Variants in AP5Z1 observed in about 807,000 individuals in gnomAD.
AP5Z1 encodes AP-5 complex subunit zeta-1.
In AP5Z1, 106 loss-of-function variants were observed where a neutral mutation model predicts 83.0. The ratio of observed to expected loss-of-function variants is 1.28; its 90% CI spans 1.09 to 1.50. AP5Z1 has a LOEUF of 1.50. Among genes scored for constraint, AP5Z1 ranks in the 40% most tolerant of loss-of-function variants. The probability of loss-of-function intolerance (pLI) is 0.00; values close to 1 mark genes in which losing one functional copy is unlikely to be tolerated. For missense variants in AP5Z1, 1,565 were observed against 1,094.2 expected (o/e 1.43, Z -6.07); for synonymous variants, 751 against 514.1 (o/e 1.46, Z -6.23).
chr7:4,784,159 C>CG (rs1562406700), intron 5 of AP5Z1, 44 bp from the exon 6 acceptor site: 1 of 1,533,304 alleles, frequency 6.5e-7, no homozygotes, highest in Non-Finnish European at 8.8e-7. Context: ...GCGTTTTTCC[C>CG]GGCCTCGGCC....
In AP5Z1 at chr7:4,790,655, C is replaced by G. The variant is rs778152865; in HGVS notation, c.1939-18C>G. 3 of 1,612,156 alleles carry G rather than the reference C, an allele frequency of 1.9e-6. No homozygotes were observed. Among genetic ancestry groups the G allele is most frequent in the Non-Finnish European group, 2.5e-6 (3 of 1,179,522 alleles). On this transcript the variant is annotated intron_variant, in intron 15 of 16. Transcript: ENST00000649063. The stretch of plus-strand genomic sequence containing the variant: ...CAGGAGGCCTGGGTGGGGGCTGAAT[C>G]TCTGTCCCCGGGCCTAGGTGTGGGC...
chr7:4,782,380 G>A (rs1781405681), intron 3 of AP5Z1, among the ~76,000 whole-genome samples: 1 of 152,140 alleles, frequency 6.6e-6, no homozygotes, highest in South Asian at 2.1e-4. Context: ...CTCAGCGTGG[G>A]GATCCAGGGG....
intron 12 of AP5Z1, 157 bp from the exon 13 acceptor site, chr7:4,788,683 G>A (rs775866694): frequency 2.8e-5 from 18 of 639,968 alleles, no homozygotes; most frequent in Middle Eastern, 2.5e-4. Context: ...GACGCCAGGG[G>A]TCTCCCCAAA....
chr7:4,781,489 G>A, intron 2 of AP5Z1, 79 bp from the exon 3 acceptor site: 3 of 1,554,628 alleles, frequency 1.9e-6, no homozygotes, highest in Non-Finnish European at 2.6e-6. Flanking sequence ...AGGGTGCCCG[G>A]CCAGGTGCTC....
Position 4,791,724 on chromosome 7 carries a change from G to A in AP5Z1, c.*339G>A. On this transcript the variant is annotated 3_prime_UTR_variant, in exon 17 of 17. Coordinates refer to ENST00000649063, the MANE Select transcript of AP5Z1 (RefSeq NM_014855.3). ...TTTTTGGACAGTTGATGGGCAAGAA[G>A]AGCTGCAGTAAAAGTAAATCTCCTT... 1 of 387,530 alleles carries A rather than the reference G, an allele frequency of 2.6e-6. No homozygotes were observed. The allele number at this position is 387,530 out of a possible 1,614,324, so 24.0% of individuals were successfully genotyped here.
At chr7:4,785,111 C>T in intron 7 of AP5Z1, 63 bp downstream of exon 7, 2 of 1,533,934 alleles carry the variant, frequency 1.3e-6, no homozygotes, top group Non-Finnish European at 1.8e-6. Context: ...TGCAAGGCCA[C>T]CTGAGGCCAG....
At chr7:4,777,974 T>C (rs2115096712) in intron 1 of AP5Z1, among the ~76,000 whole-genome samples, 1 of 152,384 alleles carries the variant, frequency 6.6e-6, no homozygotes, top group Non-Finnish European at 1.5e-5. Flanking sequence ...ATCCGAACAC[T>C]TCGGGAGGCC....
chr7:4,778,003 G>C (rs1781271785), intron 1 of AP5Z1, among the ~76,000 whole-genome samples: 1 of 152,246 alleles, frequency 6.6e-6, no homozygotes, highest in Non-Finnish European at 1.5e-5. Context: ...AGGATCGCTT[G>C]AGGCTAGGAC....
chr7:4,791,504 C>A lies in AP5Z1; in HGVS notation c.*119C>A, dbSNP rs576259662. 2.2e-5 allele frequency: 31 copies of A among 1,410,816 alleles called. No individual in the cohort carries two copies. The highest frequency in any genetic ancestry group is 2.7e-5 in the Non-Finnish European group (29 of 1,057,612). The allele number at this position is 1,410,816 out of a possible 1,614,324, so 87.4% of individuals were successfully genotyped here. Reference sequence around the variant, plus strand: ...GAGTCCTGGGAGAGGAGGCAAGGCCCACGGTGGGCTTGGCACCCTCACAGA... The same window carrying A: ...GAGTCCTGGGAGAGGAGGCAAGGCCAACGGTGGGCTTGGCACCCTCACAGA... On this transcript the variant is annotated 3_prime_UTR_variant, in exon 17 of 17. Transcript: ENST00000649063.
At chr7:4,776,154 G>C (rs1781219671) in intron 1 of AP5Z1, among the ~76,000 whole-genome samples, 1 of 151,646 alleles carries the variant, frequency 6.6e-6, no homozygotes, top group Non-Finnish European at 1.5e-5. Flanking sequence ...AAGGCTGTGT[G>C]CCAGGCTGGG....
intron 16 of AP5Z1, 50 bp from the exon 17 acceptor site, chr7:4,791,065 G>A (rs929428642): frequency 1.3e-6 from 2 of 1,516,198 alleles, no homozygotes; most frequent in South Asian, 1.3e-5. Flanking sequence ...ACAGACCCCT[G>A]TCCTGGGAGG....
rs1163096744 is a variant in AP5Z1, at chr7:4,790,678, G to A, written c.1944G>A (p.Trp648Ter). The A allele has an allele frequency of 1.2e-6, 2 of 1,612,052 alleles. No individual in the cohort carries two copies. The highest frequency in any genetic ancestry group is 2.2e-5 in the South Asian group (2 of 91,018). Residue 648 changes from tryptophan (W) to a stop codon, truncating the protein, a stop_gained, in exon 16 of 17, where the codon TGG (tryptophan) becomes TGA (stop). Transcript: ENST00000649063. LOFTEE classifies it high-confidence loss of function. Reference sequence around the variant, plus strand: ...ATCTCTGTCCCCGGGCCTAGGTGTGGGCCATCGGCGAGTACCTGTCGGTGA... The same window carrying A: ...ATCTCTGTCCCCGGGCCTAGGTGTGAGCCATCGGCGAGTACCTGTCGGTGA... Reference protein sequence around the residue: ...SRASLVTSVVWAIGEYLSVTY... With the variant: ...SRASLVTSVV
chr7:4,788,755 G>T (rs577299814), intron 12 of AP5Z1, 85 bp from the exon 13 acceptor site: 1 of 1,214,872 alleles, frequency 8.2e-7, no homozygotes, highest in Non-Finnish European at 1.1e-6. Flanking sequence ...TCAGCTGTGC[G>T]AGAGGGAGCA....
intron 5 of AP5Z1, 73 bp downstream of exon 5, chr7:4,783,871 C>T: frequency 6.9e-7 from 1 of 1,446,456 alleles, no homozygotes; most frequent in Non-Finnish European, 9.3e-7. Flanking sequence ...CTCCTGTGCC[C>T]ACAGCGGCGA....
At position 4,785,318 on chromosome 7, in the gene AP5Z1, C is replaced by T. The variant is rs1781507102; in HGVS notation, c.932-97C>T. The T allele has an allele frequency of 4.9e-5, 74 of 1,495,022 alleles. No individual in the cohort carries two copies. In the South Asian group the frequency reaches 5.8e-4, roughly 12 times the overall value. 92.6% of individuals were successfully genotyped at this position (1,495,022 alleles called of 1,614,324 possible). ...TGGGGGCCTGTCCCACCCCCCTGCT[C>T]CCGGTCCTGCCTGGAGCTTCCAGAG... On this transcript the variant is annotated intron_variant, in intron 7 of 16. Coordinates refer to ENST00000649063, the MANE Select transcript of AP5Z1 (RefSeq NM_014855.3).
chr7:4,777,549 G>A (rs1373573655), intron 1 of AP5Z1, among the ~76,000 whole-genome samples: 7 of 151,842 alleles, frequency 4.6e-5, no homozygotes, highest in East Asian at 1.9e-4. Context: ...CACCACACCC[G>A]GCTGATTTTT....
chr7:4,783,975 T>G (rs1051574431), intron 5 of AP5Z1, among the ~76,000 whole-genome samples, 177 bp downstream of exon 5: 2 of 152,124 alleles, frequency 1.3e-5, no homozygotes, highest in Non-Finnish European at 2.9e-5. Context: ...CGTGTGGCTC[T>G]GGGGGTCTGT....
At chr7:4,783,543 TG>T (rs1385544519) in intron 4 of AP5Z1, 83 bp downstream of exon 4, 1 of 1,331,334 alleles carries the variant, frequency 7.5e-7, no homozygotes. Context: ...GTTGGGAGTG[TG>T]GGGGGCAGGT....
intron 10 of AP5Z1, 69 bp downstream of exon 10, chr7:4,786,497 C>T (rs1174963556): frequency 6.4e-7 from 1 of 1,561,928 alleles, no homozygotes; most frequent in Non-Finnish European, 8.8e-7. Flanking sequence ...CCCCTCTTTC[C>T]AGCGGGGTTC....
Sources: gnomAD v4.1 joint callset for allele counts (sites outside exome capture counted in the v4.1 genomes callset) on GRCh38, gnomAD v4.1.1 for gene constraint, MANE v1.5 for transcripts, NCBI Gene and HGNC (gene_info 2026-07-23, HGNC 2026-07-21) for gene names.